NCK2: variants seen among roughly 807,000 people sequenced by gnomAD.
The protein encoded by NCK2 is NCK adaptor protein 2.
In NCK2, 16 loss-of-function variants were observed where a neutral mutation model predicts 33.9. That is an observed-to-expected ratio of 0.47 (90% CI 0.32 to 0.72). The LOEUF is 0.72. NCK2 is among the 30% of genes least tolerant of loss of function. The pLI is 0.03. For synonymous variants in NCK2, 273 were observed against 239.9 expected (o/e 1.14, Z -1.27); for missense variants, 418 against 537.3 (o/e 0.78, Z 2.19).
At chr2:105,836,447 G>A (rs534086003) in intron 2 of NCK2, among the ~76,000 whole-genome samples, 2 of 152,254 alleles carry the variant, frequency 1.3e-5, no homozygotes, top group South Asian at 4.1e-4. Context: ...GAGGCGTGGT[G>A]TGGCTTTACT....
intron 1 of NCK2, among the ~76,000 whole-genome samples, chr2:105,792,820 C>T (rs533334239): frequency 2.0e-5 from 3 of 152,264 alleles, no homozygotes; most frequent in Admixed American, 2.0e-4. Flanking sequence ...TGTGAGCAAC[C>T]TGGATGGCCG....
At chr2:105,871,777 C>T (rs918876554) in intron 3 of NCK2, among the ~76,000 whole-genome samples, 1 of 152,134 alleles carries the variant, frequency 6.6e-6, no homozygotes, top group African/African-American at 2.4e-5. Context: ...TTACAGGCAT[C>T]AGCCACTGTG....
At chr2:105,888,288 G>A (rs1355916059) in intron 4 of NCK2, among the ~76,000 whole-genome samples, 1 of 152,068 alleles carries the variant, frequency 6.6e-6, no homozygotes. Context: ...TTCCTTATAA[G>A]GAGTACTCAT....
rs114128601 is a variant in NCK2, at chr2:105,777,423, G to A, written c.-201+32285G>A. On this transcript the variant is annotated intron_variant, in intron 1 of 4. Coordinates refer to ENST00000233154, the MANE Select transcript of NCK2 (RefSeq NM_003581.5). ...CTTGCACACAGACTCCTGAGAGTGT[G>A]GGTGGAATGAAATGACCCAGTGCTC... Among the ~76,000 whole-genome samples the A allele has an allele frequency of 7.7e-3, 1,168 of 152,274 alleles. 20 individuals carry two copies. The highest frequency in any genetic ancestry group is 0.026 in the African/African-American group (1,081 of 41,550).
chr2:105,848,061 C>T (rs1394910136), intron 2 of NCK2, among the ~76,000 whole-genome samples: 1 of 152,184 alleles, frequency 6.6e-6, no homozygotes, highest in African/African-American at 2.4e-5. Context: ...GTTTTTGAGT[C>T]CCCGTGAACC....
At chr2:105,828,476 G>A (rs1447175881) in intron 2 of NCK2, among the ~76,000 whole-genome samples, 5 of 152,248 alleles carry the variant, frequency 3.3e-5, no homozygotes, top group East Asian at 1.9e-4. Flanking sequence ...CTCACCCACC[G>A]CAGATCAGTG....
At chr2:105,790,717 T>C (rs1690848696) in intron 1 of NCK2, among the ~76,000 whole-genome samples, 1 of 152,164 alleles carries the variant, frequency 6.6e-6, no homozygotes, top group African/African-American at 2.4e-5. Context: ...GAAGTGTACA[T>C]GGGTGGAGCT....
chr2:105,809,779 C>T (rs1331999152), intron 1 of NCK2, among the ~76,000 whole-genome samples: 5 of 152,132 alleles, frequency 3.3e-5, no homozygotes, highest in Admixed American at 6.5e-5. Context: ...GAGGGAAGAG[C>T]GTTTAACTGT....
chr2:105,861,715 A>G (rs1299948799), intron 3 of NCK2, among the ~76,000 whole-genome samples: 1 of 151,916 alleles, frequency 6.6e-6, no homozygotes. Flanking sequence ...GGGTTTTACC[A>G]TGTTGGCCAG....
intron 1 of NCK2, among the ~76,000 whole-genome samples, chr2:105,808,137 A>G (rs1232480928): frequency 6.6e-6 from 1 of 152,114 alleles, no homozygotes; most frequent in Non-Finnish European, 1.5e-5. Context: ...TGACCTCATG[A>G]TCCACCCACC....
In NCK2 at chr2:105,838,102, C is replaced by CTT. The variant is rs34631040; in HGVS notation, c.-16-16936_-16-16935dup. 3.1e-3 allele frequency among the ~76,000 whole-genome samples: 452 copies of CTT among 147,646 alleles called. 1 individual carries two copies. The highest frequency in any genetic ancestry group is 0.014 in the Middle Eastern group (4 of 286). ...GACTTTCTGTTTAACTAGAACAGTC[C>CTT]TTTTTTTTTTTGTACCAGCAATAGA... is the stretch of plus-strand genomic sequence containing the variant. On this transcript the variant is annotated intron_variant, in intron 2 of 4. Transcript: ENST00000233154.
chr2:105,879,267 C>T lies in NCK2; in HGVS notation c.227-2061C>T, dbSNP rs534245176. Among the ~76,000 whole-genome samples the T allele has an allele frequency of 1.4e-4, 22 of 152,354 alleles. No individual in the cohort carries two copies. In the South Asian group the frequency reaches 3.3e-3, roughly 23 times the overall value. ...AAAGTTGGCCTCAGCGTAGCCCTCACGCCCCGGCTTGCTAGCTGTTTTGAT... is the reference window on the plus strand; with the variant it reads ...AAAGTTGGCCTCAGCGTAGCCCTCATGCCCCGGCTTGCTAGCTGTTTTGAT... On this transcript the variant is annotated intron_variant, in intron 3 of 4. Coordinates refer to ENST00000233154, the MANE Select transcript of NCK2 (RefSeq NM_003581.5).
At chr2:105,791,868 A>G (rs1337988901) in intron 1 of NCK2, among the ~76,000 whole-genome samples, 1 of 152,242 alleles carries the variant, frequency 6.6e-6, no homozygotes, top group Non-Finnish European at 1.5e-5. Context: ...CCAAGATTTT[A>G]TCGAGTGAAC....
intron 3 of NCK2, among the ~76,000 whole-genome samples, chr2:105,874,058 G>A (rs985047367): frequency 1.3e-5 from 2 of 152,138 alleles, no homozygotes; most frequent in Non-Finnish European, 2.9e-5. Context: ...CTAAGAGAAG[G>A]GACAAAGGGT....
At chr2:105,877,384 GGGA>G (rs2104648088) in intron 3 of NCK2, among the ~76,000 whole-genome samples, 1 of 152,308 alleles carries the variant, frequency 6.6e-6, no homozygotes, top group South Asian at 2.1e-4. Flanking sequence ...TCAGGGTGCA[GGGA>G]GGAGAAGGGA....
chr2:105,872,305 C>T (rs1281663104), intron 3 of NCK2, among the ~76,000 whole-genome samples: 1 of 152,202 alleles, frequency 6.6e-6, no homozygotes, highest in Non-Finnish European at 1.5e-5. Context: ...CTGCCCTGTG[C>T]CCTTGCTGTT....
At chr2:105,865,397 T>C (rs1263792289) in intron 3 of NCK2, among the ~76,000 whole-genome samples, 1 of 152,158 alleles carries the variant, frequency 6.6e-6, no homozygotes, top group African/African-American at 2.4e-5. Context: ...TTGAGCCCAG[T>C]GTGGCCTGAC....
chr2:105,881,892 C>T lies in NCK2; in HGVS notation c.791C>T (p.Ala264Val), dbSNP rs1479873527. Reference sequence around the variant, plus strand: ...AGTGACGGGCCTGCCCTGCACCCTGCGCACGCCCCACAGATAAGCTACACC... The same window carrying T: ...AGTGACGGGCCTGCCCTGCACCCTGTGCACGCCCCACAGATAAGCTACACC... ...VLSDGPALHP[A>V]HAPQISYTGP... The change falls in exon 4 of 5, where the codon GCG becomes GTG. Residue 264 changes from alanine (A) to valine (V), a missense_variant. Transcript: ENST00000233154. The T allele has an allele frequency of 3.2e-6, 5 of 1,570,230 alleles. No individual in the cohort carries two copies. Among genetic ancestry groups the T allele is most frequent in the East Asian group, 2.2e-5 (1 of 44,490 alleles).
At chr2:105,864,788 C>A (rs899769081) in intron 3 of NCK2, among the ~76,000 whole-genome samples, 1 of 150,480 alleles carries the variant, frequency 6.6e-6, no homozygotes, top group African/African-American at 2.5e-5. Context: ...CCCTCCGAAC[C>A]CACGGGAAAG....
Sources: gnomAD v4.1 joint callset for allele counts (sites outside exome capture counted in the v4.1 genomes callset) on GRCh38, gnomAD v4.1.1 for gene constraint, MANE v1.5 for transcripts, NCBI Gene and HGNC (gene_info 2026-07-23, HGNC 2026-07-21) for gene names.